LIN52: variants seen among roughly 807,000 people sequenced by gnomAD.
The protein encoded by LIN52 is protein lin-52 homolog.
In LIN52, 4 loss-of-function variants were observed where a neutral mutation model predicts 18.5. That is an observed-to-expected ratio of 0.22 (90% CI 0.11 to 0.49). LIN52 has a LOEUF of 0.49. Among genes scored for constraint, LIN52 ranks in the 20% least tolerant of loss-of-function variants. The probability of loss-of-function intolerance (pLI) is 0.97; values close to 1 mark genes in which losing one functional copy is unlikely to be tolerated. For missense variants in LIN52, 102 were observed against 139.5 expected (o/e 0.73, Z 1.35); for synonymous variants, 34 against 45.5 (o/e 0.75, Z 1.02).
At position 74,096,605 on chromosome 14, in the gene LIN52, G is replaced by A. The variant is rs142585538; in HGVS notation, c.132+620G>A. Among the ~76,000 whole-genome samples the A allele has an allele frequency of 3.4e-3, 522 of 151,904 alleles. 4 individuals carry two copies. The highest frequency in any genetic ancestry group is 0.012 in the African/African-American group (497 of 41,384). On this transcript the variant is annotated intron_variant, in intron 3 of 5. Transcript: ENST00000555028. The stretch of plus-strand genomic sequence containing the variant: ...TTGCTTGTCACATAATAGGTTCTGA[G>A]TACATTTTAATTAAAAAAAGAGAAA...
chr14:74,088,299 C>T (rs1362655475), intron 1 of LIN52, among the ~76,000 whole-genome samples: 2 of 152,120 alleles, frequency 1.3e-5, no homozygotes, highest in South Asian at 4.1e-4. Flanking sequence ...CCATGTTGCC[C>T]AGGCTAGTCT....
intron 5 of LIN52, among the ~76,000 whole-genome samples, chr14:74,124,029 A>G (rs1186661805): frequency 1.3e-5 from 2 of 152,206 alleles, no homozygotes; most frequent in Non-Finnish European, 2.9e-5. Flanking sequence ...ATGAGTCTTC[A>G]TGATCTTGGA....
At chr14:74,093,135 A>G (rs1472766296) in intron 2 of LIN52, among the ~76,000 whole-genome samples, 2 of 151,390 alleles carry the variant, frequency 1.3e-5, no homozygotes, top group Non-Finnish European at 2.9e-5. Context: ...TATTTGTAGT[A>G]CAGACGGCTT....
chr14:74,132,557 G>C (rs1332937992), intron 5 of LIN52, among the ~76,000 whole-genome samples: 1 of 152,160 alleles, frequency 6.6e-6, no homozygotes, highest in Non-Finnish European at 1.5e-5. Flanking sequence ...TCGCCAGGCT[G>C]GAGTGTAGTG....
intron 5 of LIN52, among the ~76,000 whole-genome samples, chr14:74,173,094 T>G (rs774268136): frequency 6.6e-6 from 1 of 152,220 alleles, no homozygotes; most frequent in Non-Finnish European, 1.5e-5. Context: ...TAAAAAGCAT[T>G]CTGTTGTTCA....
chr14:74,183,788 A>G (rs2061329778), intron 5 of LIN52, among the ~76,000 whole-genome samples: 1 of 152,200 alleles, frequency 6.6e-6, no homozygotes, highest in African/African-American at 2.4e-5. Context: ...CATTTCATTC[A>G]TAAATACGTT....
chr14:74,111,606 GTATTTATTTATTTATTTATTTATT>G (rs3082883), intron 5 of LIN52, among the ~76,000 whole-genome samples: 1 of 138,026 alleles, frequency 7.2e-6, no homozygotes, highest in Non-Finnish European at 1.6e-5. Flanking sequence ...CCTGCCCCTG[GTATTTATTTATTTATTTATTTATT>G]TATTTATTTA....
chr14:74,138,378 A>G (rs1226127844), intron 5 of LIN52, among the ~76,000 whole-genome samples: 1 of 152,230 alleles, frequency 6.6e-6, no homozygotes, highest in Non-Finnish European at 1.5e-5. Flanking sequence ...AAATTGTAAC[A>G]GACTAGAGAG....
At chr14:74,139,715 G>C (rs2052020) in intron 5 of LIN52, among the ~76,000 whole-genome samples, 34,139 of 152,086 alleles carry the variant, frequency 0.22, 4,161 homozygotes, top group South Asian at 0.46. Flanking sequence ...TTTCTGATTT[G>C]TGTATGTTTA....
intron 5 of LIN52, among the ~76,000 whole-genome samples, chr14:74,180,471 C>T (rs759751033): frequency 1.3e-5 from 2 of 151,612 alleles, no homozygotes; most frequent in African/African-American, 2.4e-5. Flanking sequence ...GGGGTTTCAC[C>T]GTGGTCTCGA....
chr14:74,099,331 A>T (rs2139871755), intron 4 of LIN52, among the ~76,000 whole-genome samples: 1 of 152,308 alleles, frequency 6.6e-6, no homozygotes, highest in South Asian at 2.1e-4. Context: ...TTCTTTATGA[A>T]ATGCTTAAAT....
At chr14:74,197,828 G>A (rs1179606447) in intron 5 of LIN52, among the ~76,000 whole-genome samples, 1 of 152,190 alleles carries the variant, frequency 6.6e-6, no homozygotes, top group South Asian at 2.1e-4. Flanking sequence ...CTTAAATTGG[G>A]GCAGAGGGGA....
intron 5 of LIN52, among the ~76,000 whole-genome samples, chr14:74,161,097 A>C (rs1209712913): frequency 2.0e-5 from 3 of 152,200 alleles, no homozygotes; most frequent in Admixed American, 2.0e-4. Context: ...ATAGACCTTA[A>C]TTAGTATCAC....
chr14:74,185,038 T>C (rs142164265), intron 5 of LIN52, among the ~76,000 whole-genome samples: 1,569 of 152,132 alleles, frequency 0.01, 12 homozygotes, highest in Middle Eastern at 0.027. Context: ...TGTCAGGATA[T>C]CCCTGGTTCA....
At chr14:74,138,497 T>C (rs1181978005) in intron 5 of LIN52, among the ~76,000 whole-genome samples, 1 of 152,130 alleles carries the variant, frequency 6.6e-6, no homozygotes, top group Non-Finnish European at 1.5e-5. Context: ...GCTAAGGTGT[T>C]GTTAAAGCAT....
chr14:74,130,609 T>TTTTG, intron 5 of LIN52, among the ~76,000 whole-genome samples: 1 of 143,350 alleles, frequency 7.0e-6, no homozygotes. Flanking sequence ...TTTTTTTTTT[T>TTTTG]TTTGAGACGG....
At chr14:74,155,401 G>C (rs1253519177) in intron 5 of LIN52, among the ~76,000 whole-genome samples, 2 of 152,232 alleles carry the variant, frequency 1.3e-5, no homozygotes, top group African/African-American at 4.8e-5. Flanking sequence ...AAATAGAGAG[G>C]GGCATGGCCC....
At chr14:74,089,086 G>C in intron 1 of LIN52, among the ~76,000 whole-genome samples, 1 of 152,004 alleles carries the variant, frequency 6.6e-6, no homozygotes, top group Non-Finnish European at 1.5e-5. Context: ...AAGGGGAAAG[G>C]GTAAGAATGG....
chr14:74,192,154 A>G (rs1350992064), intron 5 of LIN52, among the ~76,000 whole-genome samples: 2 of 152,092 alleles, frequency 1.3e-5, no homozygotes, highest in Admixed American at 6.5e-5. Flanking sequence ...GGTGCTATGT[A>G]TGTGCTTACT....
Sources: gnomAD v4.1 joint callset for allele counts (sites outside exome capture counted in the v4.1 genomes callset) on GRCh38, gnomAD v4.1.1 for gene constraint, MANE v1.5 for transcripts, NCBI Gene and HGNC (gene_info 2026-07-23, HGNC 2026-07-21) for gene names.